The following CACNA1A variants were observed in gnomAD, a reference collection of about 807,000 sequenced individuals.
CACNA1A encodes calcium voltage-gated channel subunit alpha1 A.
CACNA1A carries 57 observed loss-of-function variants against 262.4 expected under a neutral mutation model. The ratio of observed to expected loss-of-function variants is 0.22; its 90% CI spans 0.18 to 0.27. CACNA1A has a LOEUF of 0.27. CACNA1A is among the 10% of genes least tolerant of loss of function. The pLI, the probability that CACNA1A is intolerant of heterozygous loss-of-function variation, is 1.00. For missense variants in CACNA1A, 2,526 were observed against 3,562.8 expected (o/e 0.71, Z 7.41); for synonymous variants, 1,431 against 1,419.3 (o/e 1.01, Z -0.18).
chr19:13,310,974 G>A (rs946804042), intron 12 of CACNA1A, among the ~76,000 whole-genome samples: 2 of 151,916 alleles, frequency 1.3e-5, no homozygotes, highest in East Asian at 1.9e-4. Context: ...TATTTTTTTA[G>A]TATAGACGGG....
intron 1 of CACNA1A, among the ~76,000 whole-genome samples, chr19:13,493,442 C>T (rs938849760): frequency 3.9e-5 from 6 of 152,242 alleles, no homozygotes; most frequent in Admixed American, 1.3e-4. Context: ...CCTCCCCCTA[C>T]ATTCGTGACA....
At chr19:13,233,697 C>T (rs2055754211) in intron 34 of CACNA1A, among the ~76,000 whole-genome samples, 1 of 152,020 alleles carries the variant, frequency 6.6e-6, no homozygotes, top group Non-Finnish European at 1.5e-5. Context: ...CACTATGTTG[C>T]CCAGGCTGGT....
intron 1 of CACNA1A, among the ~76,000 whole-genome samples, chr19:13,460,757 T>G (rs1336784542): frequency 2.6e-5 from 4 of 152,010 alleles, no homozygotes; most frequent in Non-Finnish European, 5.9e-5. Context: ...TGCTGTTCAT[T>G]CTCCTGGAAT....
chr19:13,413,444 T>C (rs887309748), intron 3 of CACNA1A, among the ~76,000 whole-genome samples: 23 of 149,892 alleles, frequency 1.5e-4, no homozygotes, highest in African/African-American at 5.4e-4. Flanking sequence ...TGGTGGCACA[T>C]GCCTGTAGTC....
chr19:13,324,531 TA>T (rs1158955208), intron 10 of CACNA1A, among the ~76,000 whole-genome samples: 2 of 152,124 alleles, frequency 1.3e-5, no homozygotes, highest in African/African-American at 4.8e-5. Context: ...ATACATAGAT[TA>T]AAACATCACA....
At chr19:13,219,070 A>C (rs1345849085) in intron 38 of CACNA1A, among the ~76,000 whole-genome samples, 4 of 116,998 alleles carry the variant, frequency 3.4e-5, no homozygotes, top group African/African-American at 1.4e-4. Context: ...TTTCTAATAG[A>C]GTCTCACTCT....
At chr19:13,216,414 T>A (rs1041455241) in intron 38 of CACNA1A, among the ~76,000 whole-genome samples, 1 of 132,818 alleles carries the variant, frequency 7.5e-6, no homozygotes, top group African/African-American at 3.0e-5. Flanking sequence ...CTCGGCTCAC[T>A]GCAACCTCCA....
chr19:13,262,272 T>C (rs1426746944), intron 25 of CACNA1A: 1 of 156,842 alleles, frequency 6.4e-6, no homozygotes, highest in African/African-American at 2.4e-5. Flanking sequence ...GGTGCTCTAA[T>C]GACTGGATTT....
chr19:13,233,227 C>T (rs945110810), intron 34 of CACNA1A, among the ~76,000 whole-genome samples: 11 of 152,090 alleles, frequency 7.2e-5, no homozygotes, highest in African/African-American at 2.7e-4. Flanking sequence ...CTGCCCTTCC[C>T]CATATACCCA....
intron 1 of CACNA1A, among the ~76,000 whole-genome samples, chr19:13,463,724 T>C (rs2144990839): frequency 6.6e-6 from 1 of 152,368 alleles, no homozygotes; most frequent in South Asian, 2.1e-4. Flanking sequence ...AATAGGTTTG[T>C]GTGTCATTTG....
chr19:13,459,880 TCAGGGTTTCAACTGGC>T (rs2061086081), intron 1 of CACNA1A, among the ~76,000 whole-genome samples: 1 of 152,154 alleles, frequency 6.6e-6, no homozygotes, highest in Admixed American at 6.5e-5. Context: ...GGCTGCAATA[TCAGGGTTTCAACTGGC>T]CAGTGTTGCC....
chr19:13,453,279 T>G (rs1274214252), intron 2 of CACNA1A, among the ~76,000 whole-genome samples: 1 of 152,254 alleles, frequency 6.6e-6, no homozygotes, highest in African/African-American at 2.4e-5. Context: ...ATTATTTGTT[T>G]GCACCTGTCT....
At chr19:13,313,952 T>G (rs577792203) in intron 11 of CACNA1A, among the ~76,000 whole-genome samples, 3 of 152,308 alleles carry the variant, frequency 2.0e-5, no homozygotes, top group South Asian at 4.1e-4. Context: ...CTCAGAAAAC[T>G]TGTCTTATGT....
At chr19:13,324,067 G>T (rs1035869785) in intron 10 of CACNA1A, among the ~76,000 whole-genome samples, 2 of 152,204 alleles carry the variant, frequency 1.3e-5, no homozygotes, top group African/African-American at 2.4e-5. Flanking sequence ...CTAAAAGAAA[G>T]AAATTCTGTA....
chr19:13,342,768 C>T (rs1472435275), intron 6 of CACNA1A, among the ~76,000 whole-genome samples: 2 of 152,212 alleles, frequency 1.3e-5, no homozygotes, highest in Non-Finnish European at 2.9e-5. Flanking sequence ...TCTCAAGTGA[C>T]TGCACTGAAC....
At position 13,410,561 on chromosome 19, in the gene CACNA1A, G is replaced by A. The variant is rs2060092936; in HGVS notation, c.540-38782C>T. Among the ~76,000 whole-genome samples the A allele has an allele frequency of 2.8e-5, 4 of 143,354 alleles. No homozygotes were observed. The South Asian group carries it at 8.8e-4, about 32-fold the overall frequency. 94.0% of individuals were successfully genotyped at this position (143,354 alleles called of 152,430 possible). ...TTTTCTTTTTTTTTTTTTTTTTAAG[G>A]GAAACAAACCTCTGAAATCCACTTC... On this transcript the variant is annotated intron_variant, in intron 3 of 46. Coordinates refer to ENST00000360228, the MANE Select transcript of CACNA1A (RefSeq NM_001127222.2).
At chr19:13,250,765 C>T (rs1363018705) in intron 30 of CACNA1A, among the ~76,000 whole-genome samples, 1 of 152,148 alleles carries the variant, frequency 6.6e-6, no homozygotes, top group Non-Finnish European at 1.5e-5. Flanking sequence ...TTATTTTATG[C>T]ATAAAGGCTT....
chr19:13,443,263 T>C (rs952347561), intron 3 of CACNA1A, among the ~76,000 whole-genome samples: 3 of 152,242 alleles, frequency 2.0e-5, no homozygotes, highest in Non-Finnish European at 2.9e-5. Flanking sequence ...AAGCATTTAA[T>C]GTCTTTGAGC....
chr19:13,451,967 C>A (rs2144931505), intron 3 of CACNA1A: 1 of 152,166 alleles, frequency 6.6e-6, no homozygotes, highest in South Asian at 2.1e-4. Flanking sequence ...TTCTCCCAGG[C>A]ATGTACCACC....
Sources: gnomAD v4.1 joint callset for allele counts (sites outside exome capture counted in the v4.1 genomes callset) on GRCh38, gnomAD v4.1.1 for gene constraint, MANE v1.5 for transcripts, NCBI Gene and HGNC (gene_info 2026-07-23, HGNC 2026-07-21) for gene names.